TOMM40: variants seen among roughly 807,000 people sequenced by gnomAD.
The protein encoded by TOMM40 is mitochondrial import receptor subunit TOM40 homolog.
Under a neutral mutation model 38.4 loss-of-function variants are expected in TOMM40, and 9 were observed. The observed-to-expected ratio is 0.23, with a 90% CI of 0.14 to 0.41. TOMM40 has a LOEUF of 0.41. TOMM40 is among the 10% of genes least tolerant of loss of function. The pLI is 1.00. For missense variants in TOMM40, 299 were observed against 486.5 expected (o/e 0.61, Z 3.63); for synonymous variants, 184 against 210.0 (o/e 0.88, Z 1.07).
chr19:44,901,645 G>C (rs1369172216), intron 8 of TOMM40: 2 of 450,184 alleles, frequency 4.4e-6, no homozygotes, highest in African/African-American at 3.9e-5. Context: ...GCTGAGGCGG[G>C]AAAATGGTAT....
At chr19:44,901,127 T>A in intron 7 of TOMM40, 23 bp downstream of exon 7, 1 of 1,614,160 alleles carries the variant, frequency 6.2e-7, no homozygotes, top group Non-Finnish European at 8.5e-7. Flanking sequence ...AGGGACTAGC[T>A]GGTGCTGCCA....
In TOMM40 at chr19:44,892,837, G is replaced by T; in HGVS notation, c.343G>T (p.Val115Phe). 1 of 1,613,054 alleles carries T rather than the reference G, an allele frequency of 6.2e-7. No homozygotes were observed. The highest frequency in any genetic ancestry group is 1.1e-5 in the South Asian group (1 of 91,032). ...VNKGLSNHFQ[V>F]NHTVALSTIG... ...GTCACAGCTCTCGCTTTCCTTCCAG[G>T]TCAACCACACAGTAGCCCTCAGCAC... The change falls in exon 3 of 9, where the codon GTC becomes TTC. Residue 115 changes from valine to phenylalanine, a missense_variant and splice_region_variant. Val to Phe is a conservative substitution (Grantham distance 50). Coordinates refer to ENST00000426677, the MANE Select transcript of TOMM40 (RefSeq NM_001128917.2).
chr19:44,895,884 G>A (rs937615065), intron 5 of TOMM40, among the ~76,000 whole-genome samples: 4 of 152,130 alleles, frequency 2.6e-5, no homozygotes, highest in East Asian at 1.9e-4. Context: ...TGAAACCACC[G>A]AGTTGGTTCT....
Position 44,893,938 on chromosome 19 carries a change from C to T in TOMM40, c.538-23C>T, listed in dbSNP as rs572136942. Reference sequence around the variant, plus strand: ...CGGCCACCGTGAGCAGGGAGCCGCCCTCACACCCCCTCCTCTCCACAGACC... The same window carrying T: ...CGGCCACCGTGAGCAGGGAGCCGCCTTCACACCCCCTCCTCTCCACAGACC... On this transcript the variant is annotated intron_variant, in intron 4 of 8. Transcript: ENST00000426677. 3.1e-6 allele frequency: 5 copies of T among 1,594,714 alleles called. No individual in the cohort carries two copies. The Admixed American group carries it at 5.1e-5, about 16-fold the overall frequency.
chr19:44,897,250 G>A (rs1281463854), intron 5 of TOMM40, among the ~76,000 whole-genome samples: 1 of 152,130 alleles, frequency 6.6e-6, no homozygotes, highest in Non-Finnish European at 1.5e-5. Flanking sequence ...CAGGAGATGG[G>A]AAGGATGGTT....
chr19:44,901,404 T>G (rs1249968462), intron 8 of TOMM40, 94 bp downstream of exon 8: 2 of 1,533,928 alleles, frequency 1.3e-6, no homozygotes, highest in Admixed American at 2.0e-5. Context: ...GAGGACAGTG[T>G]GCTGCCACCC....
In TOMM40 at chr19:44,903,321, A is replaced by G; in HGVS notation, c.*152A>G. The stretch of plus-strand genomic sequence containing the variant: ...AAAGGAGGGACCCCGCCACCCCAGC[A>G]GCTGAGGAGGGGATTCTGGAACTGA... On this transcript the variant is annotated 3_prime_UTR_variant, in exon 9 of 9. Transcript: ENST00000426677. 1.3e-6 allele frequency: 1 copy of G among 780,026 alleles called. No homozygotes were observed. Among genetic ancestry groups the G allele is most frequent in the Non-Finnish European group, 1.9e-6 (1 of 512,894 alleles). 48.3% of individuals were successfully genotyped at this position (780,026 alleles called of 1,614,324 possible). A position where few individuals can be genotyped will look rare whatever the true frequency, so the allele number is the denominator to read the frequency against.
intron 5 of TOMM40, among the ~76,000 whole-genome samples, chr19:44,898,845 T>A (rs943621374): frequency 6.6e-6 from 1 of 151,778 alleles, no homozygotes; most frequent in South Asian, 2.1e-4. Context: ...GCCTCTTTTT[T>A]TCTTTAAAAA....
Position 44,901,023 on chromosome 19 carries a change from G to A in TOMM40, c.767-5G>A. The A allele has an allele frequency of 6.2e-7, 1 of 1,614,132 alleles. No individual in the cohort carries two copies. The highest frequency in any genetic ancestry group is 2.2e-5 in the East Asian group (1 of 44,884). On this transcript the variant is annotated splice_region_variant and splice_polypyrimidine_tract_variant and intron_variant, in intron 6 of 8. Coordinates refer to ENST00000426677, the MANE Select transcript of TOMM40 (RefSeq NM_001128917.2). Reference sequence around the variant, plus strand: ...AGACCCCGCCTCCACCCCACTCTCTGACAGTGAACAACTGGTTGGCAACGG... The same window carrying A: ...AGACCCCGCCTCCACCCCACTCTCTAACAGTGAACAACTGGTTGGCAACGG...
Position 44,903,535 on chromosome 19 carries a change from C to A in TOMM40, c.*366C>A. ...GCCTGGGCCCGCCCCGAGGGGGCAG[C>A]GAGAGGAGCTTCCCCATCCCCGGTC... On this transcript the variant is annotated 3_prime_UTR_variant, in exon 9 of 9. Transcript: ENST00000426677. The A allele has an allele frequency of 4.8e-6, 1 of 206,442 alleles. No homozygotes were observed. Among genetic ancestry groups the A allele is most frequent in the Non-Finnish European group, 9.8e-6 (1 of 102,292 alleles). The allele number at this position is 206,442 out of a possible 1,614,324, so 12.8% of individuals were successfully genotyped here.
rs757353939 is a variant in TOMM40 at position 44,901,126 on chromosome 19, C to T, written c.843+22C>T. The T allele has an allele frequency of 5.0e-6, 8 of 1,614,122 alleles. No individual in the cohort carries two copies. The South Asian group carries it at 8.8e-5, about 18-fold the overall frequency. ...CCAGGTGAGTGGGTGCAGGGACTAG[C>T]TGGTGCTGCCAGGGGCTGCTGGGCC... On this transcript the variant is annotated intron_variant, in intron 7 of 8. Transcript: ENST00000426677.
chr19:44,903,204 T>C lies in TOMM40; in HGVS notation c.*35T>C. ...GCCCCCGCCTTCCACGCCCTTCCGA[T>C]TCCACCTCCACCTCCACCTCCCCCT... is the stretch of plus-strand genomic sequence containing the variant. On this transcript the variant is annotated 3_prime_UTR_variant, in exon 9 of 9. Coordinates refer to ENST00000426677, the MANE Select transcript of TOMM40 (RefSeq NM_001128917.2). The C allele has an allele frequency of 6.3e-7, 1 of 1,578,480 alleles. No homozygotes were observed. The highest frequency in any genetic ancestry group is 1.4e-5 in the African/African-American group (1 of 73,972).
intron 5 of TOMM40, among the ~76,000 whole-genome samples, chr19:44,896,439 C>T (rs766681622): frequency 1.2e-4 from 19 of 152,188 alleles, no homozygotes; most frequent in African/African-American, 4.3e-4. Flanking sequence ...TGAGAGGGCC[C>T]GACTTCTCGG....
At chr19:44,898,617 A>G (rs1305891646) in intron 5 of TOMM40, among the ~76,000 whole-genome samples, 1 of 146,516 alleles carries the variant, frequency 6.8e-6, no homozygotes, top group Non-Finnish European at 1.5e-5. Context: ...AGCTTACTGC[A>G]ACTTCCGCCT....
rs759126823 is a variant in TOMM40, at chr19:44,901,075, G to A, written c.814G>A (p.Ala272Thr). The part of the protein sequence containing the change: ...TVTLGQAGMH[A>T]TYYHKASDQL... ...AACGTTGGGCCAGGCGGGCATGCAC[G>A]CAACATACTACCACAAAGCCAGTGA... Residue 272 changes from alanine to threonine, a missense_variant, in exon 7 of 9, where the codon GCA becomes ACA. Ala to Thr is a moderately conservative substitution (Grantham distance 58). Transcript: ENST00000426677. The A allele has an allele frequency of 3.7e-6, 6 of 1,614,270 alleles. No individual in the cohort carries two copies. The highest frequency in any genetic ancestry group is 2.2e-5 in the East Asian group (1 of 44,890).
rs1027957878 is a variant in TOMM40, at chr19:44,903,271, C to T, written c.*102C>T. On this transcript the variant is annotated 3_prime_UTR_variant, in exon 9 of 9. Transcript: ENST00000426677. ...CTGAGCCCCCCTCCCTTCCCTCCCCCCTTGGGGGTCGGGGGGGACATTGGA... is the reference window on the plus strand; with the variant it reads ...CTGAGCCCCCCTCCCTTCCCTCCCCTCTTGGGGGTCGGGGGGGACATTGGA... The T allele has an allele frequency of 1.2e-4, 152 of 1,264,026 alleles. No homozygotes were observed. Among genetic ancestry groups the T allele is most frequent in the Non-Finnish European group, 1.4e-4 (137 of 949,896 alleles). The allele number at this position is 1,264,026 out of a possible 1,614,324, so 78.3% of individuals were successfully genotyped here. A position where few individuals can be genotyped will look rare whatever the true frequency, so the allele number is the denominator to read the frequency against.
At position 44,903,206 on chromosome 19, in the gene TOMM40, C is replaced by G. The variant is rs767845425; in HGVS notation, c.*37C>G. ...CCCCGCCTTCCACGCCCTTCCGATT[C>G]CACCTCCACCTCCACCTCCCCCTGC... On this transcript the variant is annotated 3_prime_UTR_variant, in exon 9 of 9. Transcript: ENST00000426677. The G allele has an allele frequency of 3.2e-6, 5 of 1,560,924 alleles. No homozygotes were observed. In the East Asian group the frequency reaches 9.3e-5, roughly 29 times the overall value.
intron 5 of TOMM40, among the ~76,000 whole-genome samples, chr19:44,895,493 C>T (rs1335571603): frequency 6.6e-6 from 1 of 152,090 alleles, no homozygotes; most frequent in African/African-American, 2.4e-5. Context: ...TGACATCACC[C>T]CATCTTCTCA....
chr19:44,898,153 CTG>C (rs1162564560), intron 5 of TOMM40, among the ~76,000 whole-genome samples: 2 of 152,160 alleles, frequency 1.3e-5, no homozygotes, highest in African/African-American at 4.8e-5. Flanking sequence ...CTCAGCCCCT[CTG>C]AGAGCTCCAC....
Sources: gnomAD v4.1 joint callset for allele counts (sites outside exome capture counted in the v4.1 genomes callset) on GRCh38, gnomAD v4.1.1 for gene constraint, MANE v1.5 for transcripts, NCBI Gene and HGNC (gene_info 2026-07-23, HGNC 2026-07-21) for gene names.